The following BCL11B variants were observed in gnomAD, a reference collection of about 807,000 sequenced individuals.
BCL11B encodes B-cell lymphoma/leukemia 11B.
BCL11B carries 8 observed loss-of-function variants against 49.9 expected under a neutral mutation model. The ratio of observed to expected loss-of-function variants is 0.16; its 90% CI spans 0.09 to 0.29. The LOEUF is 0.29. BCL11B is among the 10% of genes least tolerant of loss of function. The pLI is 1.00. For missense variants in BCL11B, 1,006 were observed against 1,351.0 expected (o/e 0.74, Z 4.00); for synonymous variants, 739 against 637.4 (o/e 1.16, Z -2.40).
chr14:99,197,040 A>C (rs1474589908), intron 3 of BCL11B, among the ~76,000 whole-genome samples: 1 of 152,122 alleles, frequency 6.6e-6, no homozygotes, highest in Non-Finnish European at 1.5e-5. Flanking sequence ...AATTCCAGGG[A>C]GTTTATTCTC....
Position 99,257,676 on chromosome 14 carries a change from T to C in BCL11B, c.222A>G (p.Ile74Met). ...CGCCACACTGCTTCCTTTTGTGCTCTATAAAAACCAGGATGTCCCCCAAGG... is the reference window on the plus strand; with the variant it reads ...CGCCACACTGCTTCCTTTTGTGCTCCATAAAAACCAGGATGTCCCCCAAGG... ...NFPLGDILVF[I>M]EHKRKQCGGS... The change falls in exon 2 of 4, where the codon ATA becomes ATG. Residue 74 changes from isoleucine to methionine, a missense_variant. Coordinates refer to ENST00000357195, the MANE Select transcript of BCL11B (RefSeq NM_138576.4). The surrounding 1 kb of genome is among the most constrained non-coding windows in gnomAD (Gnocchi z 6.2). 1 of 1,612,478 alleles carries C rather than the reference T, an allele frequency of 6.2e-7. No homozygotes were observed. Among genetic ancestry groups the C allele is most frequent in the East Asian group, 2.2e-5 (1 of 44,764 alleles).
intron 2 of BCL11B, among the ~76,000 whole-genome samples, chr14:99,254,479 G>A (rs1889099283): frequency 6.6e-6 from 1 of 152,136 alleles, no homozygotes; most frequent in Non-Finnish European, 1.5e-5. Context: ...GGACCTGCCT[G>A]GGTATCAGGA....
Position 99,257,990 on chromosome 14 carries a change from T to G in BCL11B, c.59-151A>C. Reference sequence around the variant, plus strand: ...GAGCTCACCAGGTCCTCCCCGGGGTTGGGGGCTGGTGAGCATCCCCCACAG... The same window carrying G: ...GAGCTCACCAGGTCCTCCCCGGGGTGGGGGGCTGGTGAGCATCCCCCACAG... On this transcript the variant is annotated intron_variant, in intron 1 of 3. Coordinates refer to ENST00000357195, the MANE Select transcript of BCL11B (RefSeq NM_138576.4). The surrounding 1 kb of genome is among the most constrained non-coding windows in gnomAD (Gnocchi z 6.2). The G allele has an allele frequency of 1.0e-6, 1 of 978,586 alleles. No homozygotes were observed. The highest frequency in any genetic ancestry group is 1.4e-6 in the Non-Finnish European group (1 of 714,816). 60.6% of individuals were successfully genotyped at this position (978,586 alleles called of 1,614,324 possible).
At chr14:99,246,929 G>T (rs911921351) in intron 2 of BCL11B, among the ~76,000 whole-genome samples, 2 of 152,236 alleles carry the variant, frequency 1.3e-5, no homozygotes, top group South Asian at 2.1e-4. Context: ...GGCAGGTGGC[G>T]CCCAGAGGTT....
Position 99,176,059 on chromosome 14 carries a change from G to C in BCL11B, c.777C>G (p.Leu259=), listed in dbSNP as rs750930070. 6.2e-7 allele frequency: 1 copy of C among 1,601,754 alleles called. No individual in the cohort carries two copies. The highest frequency in any genetic ancestry group is 8.5e-7 in the Non-Finnish European group (1 of 1,174,026). The change falls in exon 4 of 4, where the codon CTC becomes CTG. Residue 259 remains leucine, a synonymous_variant. Coordinates refer to ENST00000357195, the MANE Select transcript of BCL11B (RefSeq NM_138576.4). ...YLEPGPASSS[L]TPRLTIPPPL... is the part of the protein sequence containing the mutation. Reference sequence around the variant, plus strand: ...GCGGCGGGATGGTGAGCCGCGGCGTGAGCGAGCTGCTGGCCGGCCCGGGCT... The same window carrying C: ...GCGGCGGGATGGTGAGCCGCGGCGTCAGCGAGCTGCTGGCCGGCCCGGGCT...
chr14:99,207,955 C>A (rs1296465380), intron 3 of BCL11B, among the ~76,000 whole-genome samples: 1 of 152,192 alleles, frequency 6.6e-6, no homozygotes, highest in Non-Finnish European at 1.5e-5. Context: ...GTCTCCATCT[C>A]CCCACACCAG....
intron 3 of BCL11B, among the ~76,000 whole-genome samples, chr14:99,190,191 T>C (rs1324862386): frequency 6.9e-6 from 1 of 145,810 alleles, no homozygotes; most frequent in African/African-American, 2.5e-5. Context: ...CATATGTCTT[T>C]AAAACAAGGC....
chr14:99,207,683 G>A (rs569098492), intron 3 of BCL11B, among the ~76,000 whole-genome samples: 2 of 152,206 alleles, frequency 1.3e-5, no homozygotes, highest in South Asian at 4.1e-4. Context: ...TGCAAGTGCT[G>A]CCTGGGGGAG....
In BCL11B at chr14:99,171,187, A is replaced by C; in HGVS notation, c.*2964T>G. The stretch of plus-strand genomic sequence containing the variant: ...GCAAGGTTCGGGGCGTTCAGAGAGA[A>C]GCCCAACACGAACGGTTCTCTGTGT... On this transcript the variant is annotated 3_prime_UTR_variant, in exon 4 of 4. Transcript: ENST00000357195. 1 of 229,132 alleles carries C rather than the reference A, an allele frequency of 4.4e-6. No individual in the cohort carries two copies. The allele number at this position is 229,132 out of a possible 1,614,324, so 14.2% of individuals were successfully genotyped here.
At chr14:99,190,634 G>A (rs951751000) in intron 3 of BCL11B, among the ~76,000 whole-genome samples, 7 of 152,142 alleles carry the variant, frequency 4.6e-5, no homozygotes, top group Non-Finnish European at 8.8e-5. Flanking sequence ...GGAAAGGAGG[G>A]AGGAAGGGCA....
At chr14:99,208,909 G>T (rs1887610969) in intron 3 of BCL11B, among the ~76,000 whole-genome samples, 1 of 152,190 alleles carries the variant, frequency 6.6e-6, no homozygotes, top group South Asian at 2.1e-4. Flanking sequence ...CTGCAGCCAG[G>T]CCAAGGCCAA....
At chr14:99,197,823 C>T (rs186454970) in intron 3 of BCL11B, among the ~76,000 whole-genome samples, 2 of 152,292 alleles carry the variant, frequency 1.3e-5, no homozygotes, top group Non-Finnish European at 2.9e-5. Context: ...CACCAAGTGT[C>T]CCCCTTTCTG....
Position 99,174,871 on chromosome 14 carries a change from C to G in BCL11B, c.1965G>C (p.Gly655=), listed in dbSNP as rs765002731. 2 of 1,163,744 alleles carry G rather than the reference C, an allele frequency of 1.7e-6. No homozygotes were observed. The highest frequency in any genetic ancestry group is 1.6e-5 in the African/African-American group (1 of 60,908). The allele number at this position is 1,163,744 out of a possible 1,614,324, so 72.1% of individuals were successfully genotyped here. A position where few individuals can be genotyped will look rare whatever the true frequency, so the allele number is the denominator to read the frequency against. ...GCTCGGTGCCTGGCGCGAAGCCGCCCCCGCGCCCGTTGACCGCGCCGCCCG... is the reference window on the plus strand; with the variant it reads ...GCTCGGTGCCTGGCGCGAAGCCGCCGCCGCGCCCGTTGACCGCGCCGCCCG... ...AGAGGAVNGR[G]GGFAPGTEPF... Residue 655 remains glycine, a synonymous_variant, in exon 4 of 4, where the codon GGG becomes GGC. Coordinates refer to ENST00000357195, the MANE Select transcript of BCL11B (RefSeq NM_138576.4).
At chr14:99,200,176 TGTGA>T (rs1309444581) in intron 3 of BCL11B, among the ~76,000 whole-genome samples, 4 of 151,956 alleles carry the variant, frequency 2.6e-5, no homozygotes, top group Non-Finnish European at 4.4e-5. Flanking sequence ...TGAGGCCCAC[TGTGA>T]GTATTTGGGA....
intron 3 of BCL11B, among the ~76,000 whole-genome samples, chr14:99,191,359 T>C (rs1887023158): frequency 6.6e-6 from 1 of 150,996 alleles, no homozygotes; most frequent in South Asian, 2.1e-4. Context: ...GCCACACCCG[T>C]CAACTTAAAC....
chr14:99,257,936 G>A lies in BCL11B; in HGVS notation c.59-97C>T. ...TTCCGGTCCACCCCTTCCCCGCCAA[G>A]AAGCAGCCCCCTCTGCTGCTGGCTG... On this transcript the variant is annotated intron_variant, in intron 1 of 3. Transcript: ENST00000357195. The surrounding 1 kb of genome is among the most constrained non-coding windows in gnomAD (Gnocchi z 6.2). 1 of 1,367,562 alleles carries A rather than the reference G, an allele frequency of 7.3e-7. No individual in the cohort carries two copies. Among genetic ancestry groups the A allele is most frequent in the Non-Finnish European group, 9.6e-7 (1 of 1,044,722 alleles). The allele number at this position is 1,367,562 out of a possible 1,614,324, so 84.7% of individuals were successfully genotyped here.
intron 3 of BCL11B, among the ~76,000 whole-genome samples, chr14:99,190,517 T>A (rs4095711): frequency 0.13 from 20,464 of 152,212 alleles, 1,693 homozygotes; most frequent in African/African-American, 0.23. Context: ...CTAATTTTTT[T>A]AAAAAGGCAC....
intron 2 of BCL11B, among the ~76,000 whole-genome samples, chr14:99,240,745 C>A (rs955377814): frequency 2.0e-5 from 3 of 152,166 alleles, no homozygotes; most frequent in South Asian, 2.1e-4. Flanking sequence ...AGTGCGTGCA[C>A]AACAAAATGT....
rs750747694 is a variant in BCL11B, at chr14:99,213,656, T to C, written c.640+17689A>G. On this transcript the variant is annotated intron_variant, in intron 3 of 3. Transcript: ENST00000357195. This position sits in a 1 kb window ranked among gnomAD's most constrained non-coding sequence, Gnocchi z 5.1. ...CGGACGCCACAGGCTGCAGAGTCCA[T>C]GAGCTTGGGCAGAGCACAAAGGTCT... Among the ~76,000 whole-genome samples the C allele has an allele frequency of 1.1e-4, 16 of 152,118 alleles. No homozygotes were observed. Among genetic ancestry groups the C allele is most frequent in the Non-Finnish European group, 2.4e-4 (16 of 67,998 alleles).
Sources: allele counts gnomAD v4.1 joint callset (sites outside exome capture counted in the v4.1 genomes callset), GRCh38; gene constraint gnomAD v4.1.1; non-coding constraint Gnocchi (gnomAD v3.1); transcripts MANE v1.5; gene names NCBI Gene and HGNC (gene_info 2026-07-23, HGNC 2026-07-21).